Variants in JADE2 observed in about 807,000 individuals in gnomAD.
JADE2 encodes jade family PHD finger 2, also known as E3 ubiquitin-protein ligase Jade-2.
Under a neutral mutation model 85.7 loss-of-function variants are expected in JADE2, and 13 were observed. The observed-to-expected ratio is 0.15, with a 90% CI of 0.10 to 0.24. The LOEUF (loss-of-function observed/expected upper bound fraction) is 0.24. JADE2 is among the 10% of genes least tolerant of loss of function. The probability of loss-of-function intolerance (pLI) is 1.00; values close to 1 mark genes in which losing one functional copy is unlikely to be tolerated. For synonymous variants in JADE2, 440 were observed against 456.1 expected, an observed-to-expected ratio of 0.96 and a Z score of 0.45; for missense variants, 846 against 1,115.9, an observed-to-expected ratio of 0.76 and a Z score of 3.45.
At chr5:134,554,979 A>G (rs1388516180) in intron 4 of JADE2, among the ~76,000 whole-genome samples, 1 of 152,196 alleles carries the variant, frequency 6.6e-6, no homozygotes, top group East Asian at 1.9e-4. Flanking sequence ...ATTCTGGGGA[A>G]TTCCCTGCAT....
At chr5:134,526,131 T>C (rs1760795804) in intron 1 of JADE2, 120 bp downstream of exon 1, 1 of 985,148 alleles carries the variant, frequency 1.0e-6, no homozygotes, top group Non-Finnish European at 1.2e-6. Flanking sequence ...TCGCTCCCTC[T>C]CTCTCCTGCT....
chr5:134,566,196 A>C lies in JADE2; in HGVS notation c.1050A>C (p.Ala350=), dbSNP rs773380520. ...GCCTGGAAATGCGGACTATATTAGC[A>C]GACAACGATGAGGTCAAGTTCAAGT... ...DHGLEMRTIL[A]DNDEVKFKSF... is the part of the protein sequence containing the mutation. The change falls in exon 9 of 12, where the codon GCA becomes GCC. Residue 350 remains alanine (A), a synonymous_variant. Coordinates refer to ENST00000681547, the MANE Select transcript of JADE2 (RefSeq NM_001388185.1). This position sits in a 1 kb window ranked among gnomAD's most constrained non-coding sequence, Gnocchi z 6.7. 6.2e-7 allele frequency: 1 copy of C among 1,614,102 alleles called. No individual in the cohort carries two copies. Among genetic ancestry groups the C allele is most frequent in the Non-Finnish European group, 8.5e-7 (1 of 1,180,018 alleles).
rs767905310 is a variant in JADE2, at chr5:134,552,024, T to TCCCC, written c.154-27_154-26insCCCC. ...CAGACTGCCCTGAGGCAGTCTGAAG[T>TCCCC]CACTCTTTCCCCTCTTGCCCCTCAC... On this transcript the variant is annotated intron_variant, in intron 3 of 11. Coordinates refer to ENST00000681547, the MANE Select transcript of JADE2 (RefSeq NM_001388185.1). 5.5e-4 allele frequency: 881 copies of TCCCC among 1,611,692 alleles called. 9 individuals are homozygous for TCCCC. The African/African-American group carries it at 0.011, about 20-fold the overall frequency.
intron 2 of JADE2, among the ~76,000 whole-genome samples, chr5:134,537,302 AC>A (rs1173619310): frequency 1.3e-5 from 2 of 152,222 alleles, no homozygotes; most frequent in Non-Finnish European, 2.9e-5. Flanking sequence ...AGGCCACAGC[AC>A]TGTCATCCAG....
Position 134,562,344 on chromosome 5 carries a change from A to G in JADE2, c.829A>G (p.Ser277Gly), listed in dbSNP as rs1177811927. The G allele has an allele frequency of 1.2e-6, 2 of 1,613,376 alleles. No homozygotes were observed. The highest frequency in any genetic ancestry group is 1.7e-6 in the Non-Finnish European group (2 of 1,179,576). ...TRSGTKWVHVSCALWIPEVSI... is the reference protein window; with the variant it reads ...TRSGTKWVHVGCALWIPEVSI... ...AAGTGGGACCAAGTGGGTGCATGTC[A>G]GCTGTGCCCTATGGATTCCTGAGGT... is the stretch of plus-strand genomic sequence containing the variant. The change falls in exon 7 of 12, where the codon AGC (serine) becomes GGC (glycine). Residue 277 changes from serine (S) to glycine (G), a missense_variant. This residue lies in a region of JADE2 where 129 missense variants were observed against 255.4 expected (regional missense o/e 0.51). Coordinates refer to ENST00000681547, the MANE Select transcript of JADE2 (RefSeq NM_001388185.1). This position sits in a 1 kb window ranked among gnomAD's most constrained non-coding sequence, Gnocchi z 4.6.
At chr5:134,535,635 C>T (rs954191647) in intron 1 of JADE2, among the ~76,000 whole-genome samples, 4 of 152,024 alleles carry the variant, frequency 2.6e-5, no homozygotes, top group African/African-American at 7.2e-5. Context: ...CAACCAAGGG[C>T]TCTGGGCTCA....
intron 3 of JADE2, among the ~76,000 whole-genome samples, chr5:134,545,457 G>A (rs1762243519): frequency 1.3e-5 from 2 of 151,608 alleles, no homozygotes; most frequent in East Asian, 1.9e-4. Context: ...GTGGTAGCTT[G>A]CAACACAACT....
At chr5:134,551,947 C>A in intron 3 of JADE2, 105 bp from the exon 4 acceptor site, 2 of 1,009,922 alleles carry the variant, frequency 2.0e-6, no homozygotes, top group Non-Finnish European at 3.1e-6. Flanking sequence ...AGTGCGCAGG[C>A]AGAATGTCCA....
At position 134,579,557 on chromosome 5, in the gene JADE2, G is replaced by A. The variant is rs760856012; in HGVS notation, c.*240G>A. 2.6e-4 allele frequency: 137 copies of A among 523,774 alleles called. No individual in the cohort carries two copies. Among genetic ancestry groups the A allele is most frequent in the Non-Finnish European group, 4.1e-4 (120 of 294,588 alleles). The allele number at this position is 523,774 out of a possible 1,614,324, so 32.4% of individuals were successfully genotyped here. On this transcript the variant is annotated 3_prime_UTR_variant, in exon 12 of 12. Transcript: ENST00000681547. This position sits in a 1 kb window ranked among gnomAD's most constrained non-coding sequence, Gnocchi z 4.6. Reference sequence around the variant, plus strand: ...GGCCGCTAGGACCCTGCCAGGTCCCGCGCACCATCCCTGCCCTGCCCACGT... The same window carrying A: ...GGCCGCTAGGACCCTGCCAGGTCCCACGCACCATCCCTGCCCTGCCCACGT...
rs375785000 is a variant in JADE2, at chr5:134,556,243, C to T, written c.312-3587C>T. ...AGCTGGCCAGATGGAGGCCAGGCTC[C>T]GAAGCAATAACCATGGCAACCAGCG... On this transcript the variant is annotated intron_variant, in intron 4 of 11. Transcript: ENST00000681547. Among the ~76,000 whole-genome samples, 39 of 152,322 alleles carry T rather than the reference C, an allele frequency of 2.6e-4. No homozygotes were observed. The South Asian group carries it at 7.5e-3, about 29-fold the overall frequency.
intron 4 of JADE2, among the ~76,000 whole-genome samples, chr5:134,558,785 G>A (rs975460808): frequency 3.3e-5 from 5 of 152,336 alleles, no homozygotes; most frequent in Admixed American, 2.0e-4. Flanking sequence ...TGATTCACCC[G>A]CCTTGGACTC....
rs894005246 is a variant in JADE2 at position 134,582,979 on chromosome 5, C to T, written c.*3662C>T. ...TCATTAACGCAAAGACCTATTTCTCCTTTTTGTACATTGTCCATGTGCGCA... is the reference window on the plus strand; with the variant it reads ...TCATTAACGCAAAGACCTATTTCTCTTTTTTGTACATTGTCCATGTGCGCA... On this transcript the variant is annotated 3_prime_UTR_variant, in exon 12 of 12. Transcript: ENST00000681547. 6.6e-6 allele frequency: 1 copy of T among 152,568 alleles called. No individual in the cohort carries two copies. Among genetic ancestry groups the T allele is most frequent in the African/African-American group, 2.4e-5 (1 of 41,422 alleles). 9.5% of individuals were successfully genotyped at this position (152,568 alleles called of 1,614,324 possible).
In JADE2 at chr5:134,562,277, C is replaced by T; in HGVS notation, c.762C>T (p.Cys254=). 3 of 1,614,134 alleles carry T rather than the reference C, an allele frequency of 1.9e-6. No individual in the cohort carries two copies. The highest frequency in any genetic ancestry group is 2.5e-6 in the Non-Finnish European group (3 of 1,180,012). ...RTCALGVQPK[C]LLCPKRGGAL... The stretch of plus-strand genomic sequence containing the variant: ...GTGCCCTGGGTGTCCAGCCAAAGTG[C>T]CTGCTCTGCCCCAAGCGAGGAGGAG... The change falls in exon 7 of 12, where the codon TGC becomes TGT. Residue 254 remains cysteine (C), a synonymous_variant. Coordinates refer to ENST00000681547, the MANE Select transcript of JADE2 (RefSeq NM_001388185.1). This position sits in a 1 kb window ranked among gnomAD's most constrained non-coding sequence, Gnocchi z 4.6.
chr5:134,572,826 G>C (rs1764119173), intron 9 of JADE2, among the ~76,000 whole-genome samples: 1 of 152,224 alleles, frequency 6.6e-6, no homozygotes, highest in African/African-American at 2.4e-5. Flanking sequence ...CTATAAGAAG[G>C]GTCCATGTCC....
intron 11 of JADE2, among the ~76,000 whole-genome samples, chr5:134,577,894 G>T (rs986022193): frequency 1.3e-5 from 2 of 151,784 alleles, no homozygotes; most frequent in Non-Finnish European, 2.9e-5. Context: ...ACCCCTATTC[G>T]TACCTGATCC....
rs765979305 is a variant in JADE2, at chr5:134,535,848, T to A, written c.1-10T>A. On this transcript the variant is annotated splice_polypyrimidine_tract_variant and intron_variant, in intron 1 of 11. Coordinates refer to ENST00000681547, the MANE Select transcript of JADE2 (RefSeq NM_001388185.1). ...ATCCGTGAGTATAATGGGCTTGCCT[T>A]TTGTTGCAGATGGAAGAGAAGAGGC... 154 of 1,613,742 alleles carry A rather than the reference T, an allele frequency of 9.5e-5. No individual in the cohort carries two copies. The highest frequency in any genetic ancestry group is 1.2e-4 in the Non-Finnish European group (143 of 1,179,776).
intron 4 of JADE2, among the ~76,000 whole-genome samples, chr5:134,553,559 A>C (rs555102350): frequency 6.6e-6 from 1 of 151,832 alleles, no homozygotes; most frequent in Non-Finnish European, 1.5e-5. Flanking sequence ...TCCCCATGTT[A>C]GCCAGGCTGG....
intron 3 of JADE2, among the ~76,000 whole-genome samples, chr5:134,545,791 T>G (rs181307994): frequency 5.3e-4 from 80 of 152,364 alleles, no homozygotes; most frequent in African/African-American, 1.8e-3. Context: ...CTCTGTTAGC[T>G]GTCATTTCTA....
At chr5:134,531,943 T>C (rs1011758374) in intron 1 of JADE2, among the ~76,000 whole-genome samples, 17 of 127,154 alleles carry the variant, frequency 1.3e-4, no homozygotes, top group African/African-American at 5.0e-4. Context: ...TCACCCAGGC[T>C]GGAGTGCAGT....
Sources: gnomAD v4.1 joint callset for allele counts (sites outside exome capture counted in the v4.1 genomes callset) on GRCh38, gnomAD v4.1.1 for gene constraint, gnomAD v4.1.1 regional missense constraint, Gnocchi (gnomAD v3.1) non-coding constraint, MANE v1.5 for transcripts, NCBI Gene and HGNC (gene_info 2026-07-23, HGNC 2026-07-21) for gene names.